Variants in GALC observed in about 807,000 individuals in gnomAD.
The protein encoded by GALC is galactocerebrosidase.
A neutral mutation model predicts 91.8 loss-of-function variants in GALC; 77 were observed. The observed-to-expected ratio is 0.84, with a 90% CI of 0.70 to 1.01. The LOEUF is 1.01. Ranked by LOEUF, GALC falls within the 50% of genes least tolerant of loss-of-function variation. The pLI is 0.00. For synonymous variants in GALC, 357 were observed against 306.7 expected (o/e 1.16, Z -1.71); for missense variants, 882 against 855.9 (o/e 1.03, Z -0.38).
At chr14:87,987,079 G>GAA in intron 3 of GALC, 7 of 375,134 alleles carry the variant, frequency 1.9e-5, no homozygotes, top group Admixed American at 1.2e-4. Context: ...AGAGTTTTGA[G>GAA]GAAAAAAAAA....
intron 14 of GALC, among the ~76,000 whole-genome samples, chr14:87,942,666 G>T (rs1023306221): frequency 6.6e-6 from 1 of 151,996 alleles, no homozygotes; most frequent in Non-Finnish European, 1.5e-5. Flanking sequence ...ATGAGATCTA[G>T]AATTATGTGG....
intron 9 of GALC, among the ~76,000 whole-genome samples, chr14:87,964,574 C>G (rs375524956): frequency 4.6e-5 from 7 of 152,272 alleles, no homozygotes; most frequent in Admixed American, 2.0e-4. Flanking sequence ...AAAAGTGACA[C>G]TATGCCATCC....
At chr14:87,965,902 C>A (rs1190733233) in intron 8 of GALC, among the ~76,000 whole-genome samples, 2 of 152,064 alleles carry the variant, frequency 1.3e-5, no homozygotes, top group African/African-American at 4.8e-5. Context: ...TGTGGTATAG[C>A]CAGAAGACGA....
intron 10 of GALC, chr14:87,954,978 T>G: frequency 2.1e-6 from 3 of 1,434,534 alleles, no homozygotes; most frequent in Non-Finnish European, 2.9e-6. Context: ...TCAACATTTT[T>G]GCAGACTGCC....
intron 13 of GALC, among the ~76,000 whole-genome samples, chr14:87,946,986 A>G (rs1885098686): frequency 1.3e-5 from 2 of 151,932 alleles, no homozygotes; most frequent in African/African-American, 4.8e-5. Context: ...CTCTGCAGCA[A>G]ACAGGAGCTT....
chr14:87,981,237 A>T (rs1478947179), intron 6 of GALC: 1 of 152,256 alleles, frequency 6.6e-6, no homozygotes, highest in Non-Finnish European at 1.5e-5. Context: ...GTTCTCACTC[A>T]TAAGTGGGAG....
chr14:87,953,974 CATATACAGTGTTTCTTGGAG>C (rs1158727897), intron 10 of GALC: 3 of 1,608,780 alleles, frequency 1.9e-6, no homozygotes, highest in Non-Finnish European at 2.5e-6. Flanking sequence ...GCATTTTGGG[CATATACAGTGTTTCTTGGAG>C]ATATAATTTT....
At chr14:87,976,219 A>G in intron 7 of GALC, 139 bp downstream of exon 7, 2 of 817,912 alleles carry the variant, frequency 2.4e-6, no homozygotes, top group Non-Finnish European at 4.1e-6. Context: ...ACTATGAGCC[A>G]TGCATGCTTC....
At chr14:87,992,715 C>T in intron 1 of GALC, 1 of 1,429,496 alleles carries the variant, frequency 7.0e-7, no homozygotes. Context: ...TTACTCTCTG[C>T]ACCTATACTC....
Position 87,954,155 on chromosome 14 carries a change from C to A in GALC, c.1162-3407G>T, listed in dbSNP as rs965818543. ...TAGTTAGTGATGTTGTACTTCAAGA[C>A]CTACTGGCACAGGTGTCCTCAAAAC... On this transcript the variant is annotated intron_variant, in intron 10 of 16. Coordinates refer to ENST00000261304, the MANE Select transcript of GALC (RefSeq NM_000153.4). 9.4e-6 allele frequency: 15 copies of A among 1,602,232 alleles called. No homozygotes were observed. In the African/African-American group the frequency reaches 1.7e-4, roughly 19 times the overall value.
intron 10 of GALC, among the ~76,000 whole-genome samples, chr14:87,956,785 T>C (rs1885576943): frequency 6.6e-6 from 1 of 151,766 alleles, no homozygotes; most frequent in South Asian, 2.1e-4. Context: ...TATCCAGTAG[T>C]AGGATTGCAG....
intron 1 of GALC, among the ~76,000 whole-genome samples, chr14:87,989,972 C>A (rs1402822523): frequency 1.3e-5 from 2 of 152,156 alleles, no homozygotes; most frequent in African/African-American, 4.8e-5. Flanking sequence ...TATTCTTATG[C>A]CTGGAATGCA....
chr14:87,940,028 A>C, intron 15 of GALC, 47 bp from the exon 16 acceptor site: 227 of 1,398,808 alleles, frequency 1.6e-4, no homozygotes, highest in Non-Finnish European at 2.1e-4. Context: ...TTGAGATCTC[A>C]ATCACAGAAT....
At chr14:87,990,574 T>C (rs1887157368) in intron 1 of GALC, among the ~76,000 whole-genome samples, 1 of 152,222 alleles carries the variant, frequency 6.6e-6, no homozygotes, top group Non-Finnish European at 1.5e-5. Context: ...ATGAACACTG[T>C]ATAGGCACAC....
chr14:87,936,768 G>T (rs1230677333), intron 16 of GALC, among the ~76,000 whole-genome samples: 7 of 151,070 alleles, frequency 4.6e-5, no homozygotes, highest in African/African-American at 7.3e-5. Flanking sequence ...TCAAAGAGGT[G>T]GAATAACTTG....
chr14:87,954,638 C>A, intron 10 of GALC: 9 of 1,581,196 alleles, frequency 5.7e-6, no homozygotes, highest in Non-Finnish European at 6.9e-6. Flanking sequence ...AGCAACCCAC[C>A]TAGAGGATAA....
intron 1 of GALC, among the ~76,000 whole-genome samples, chr14:87,990,129 C>T (rs1887137047): frequency 1.3e-5 from 2 of 152,174 alleles, no homozygotes; most frequent in Admixed American, 1.3e-4. Flanking sequence ...TTTATTACAA[C>T]ACTTTGAACC....
At chr14:87,954,306 A>G in intron 10 of GALC, 1 of 1,582,282 alleles carries the variant, frequency 6.3e-7, no homozygotes, top group Non-Finnish European at 8.7e-7. Flanking sequence ...TGATTTCACT[A>G]TACTGACAGA....
chr14:87,954,436 G>C, intron 10 of GALC: 1 of 1,591,594 alleles, frequency 6.3e-7, no homozygotes, highest in Non-Finnish European at 8.6e-7. Flanking sequence ...ACCCTCAACT[G>C]CAAAGGAAAA....
Sources: gnomAD v4.1 joint callset for allele counts (sites outside exome capture counted in the v4.1 genomes callset) on GRCh38, gnomAD v4.1.1 for gene constraint, MANE v1.5 for transcripts, NCBI Gene and HGNC (gene_info 2026-07-23, HGNC 2026-07-21) for gene names.